The following CNTNAP2 variants were observed in gnomAD, a reference collection of about 807,000 sequenced individuals.
The protein encoded by CNTNAP2 is contactin-associated protein-like 2.
A neutral mutation model predicts 155.2 loss-of-function variants in CNTNAP2; 98 were observed. That is an observed-to-expected ratio of 0.63 (90% CI 0.54 to 0.75). CNTNAP2 has a LOEUF of 0.75. CNTNAP2 is among the 30% of genes least tolerant of loss of function. CNTNAP2 has a pLI of 0.00. For synonymous variants in CNTNAP2, 651 were observed against 631.2 expected, an observed-to-expected ratio of 1.03 and a Z score of -0.47; for missense variants, 1,727 against 1,688.1, an observed-to-expected ratio of 1.02 and a Z score of -0.40.
chr7:146,549,416 T>C (rs551964341), intron 1 of CNTNAP2, among the ~76,000 whole-genome samples: 1 of 152,006 alleles, frequency 6.6e-6, no homozygotes, highest in African/African-American at 2.4e-5. Context: ...ATTTTAAATA[T>C]CTGTACTGTA....
intron 1 of CNTNAP2, among the ~76,000 whole-genome samples, chr7:146,394,935 C>T (rs1457360793): frequency 3.3e-5 from 5 of 152,042 alleles, no homozygotes; most frequent in Non-Finnish European, 7.4e-5. Flanking sequence ...TTTCCACTCT[C>T]GATGATCATG....
chr7:147,449,172 T>A (rs1214952181), intron 10 of CNTNAP2, among the ~76,000 whole-genome samples: 1 of 152,004 alleles, frequency 6.6e-6, no homozygotes, highest in Non-Finnish European at 1.5e-5. Context: ...GTTCTCTGGC[T>A]ATTTAAATTA....
At chr7:146,790,109 G>A (rs1802644618) in intron 2 of CNTNAP2, among the ~76,000 whole-genome samples, 1 of 151,986 alleles carries the variant, frequency 6.6e-6, no homozygotes, top group East Asian at 1.9e-4. Flanking sequence ...CAAGGGAATT[G>A]ATTCATTCTT....
chr7:147,716,019 A>T (rs924789566), intron 13 of CNTNAP2, among the ~76,000 whole-genome samples: 1 of 152,184 alleles, frequency 6.6e-6, no homozygotes, highest in African/African-American at 2.4e-5. Context: ...GGGTATAATT[A>T]GGTTTTTATT....
At chr7:147,612,853 C>T (rs943568988) in intron 12 of CNTNAP2, among the ~76,000 whole-genome samples, 10 of 152,274 alleles carry the variant, frequency 6.6e-5, no homozygotes, top group Middle Eastern at 3.4e-3. Context: ...TTGAAATTCA[C>T]TCATGTTTCA....
At chr7:146,629,490 A>G (rs545043599) in intron 1 of CNTNAP2, among the ~76,000 whole-genome samples, 1 of 152,298 alleles carries the variant, frequency 6.6e-6, no homozygotes, top group South Asian at 2.1e-4. Flanking sequence ...CTAGGTGTCA[A>G]ATTTCAACAA....
intron 3 of CNTNAP2, among the ~76,000 whole-genome samples, chr7:146,962,087 C>T (rs1563022295): frequency 6.6e-6 from 1 of 152,116 alleles, no homozygotes; most frequent in Non-Finnish European, 1.5e-5. Context: ...ATTTTATAAT[C>T]TTGTTGTTCA....
intron 8 of CNTNAP2, among the ~76,000 whole-genome samples, chr7:147,156,916 T>C (rs1280365337): frequency 6.6e-6 from 1 of 152,106 alleles, no homozygotes; most frequent in Admixed American, 6.6e-5. Flanking sequence ...TGGTACCCTA[T>C]ATAGAGAATC....
At chr7:146,787,989 T>A (rs181843267) in intron 2 of CNTNAP2, among the ~76,000 whole-genome samples, 1 of 152,182 alleles carries the variant, frequency 6.6e-6, no homozygotes, top group East Asian at 1.9e-4. Context: ...GGCTGATTGG[T>A]GCTTTTACAA....
At chr7:146,949,257 A>G (rs150590372) in intron 3 of CNTNAP2, among the ~76,000 whole-genome samples, 33 of 152,360 alleles carry the variant, frequency 2.2e-4, no homozygotes, top group Non-Finnish European at 2.5e-4. Flanking sequence ...GATAAATGAA[A>G]TTGTCAAGAT....
At chr7:147,233,253 T>G (rs765575346) in intron 8 of CNTNAP2, among the ~76,000 whole-genome samples, 1 of 152,164 alleles carries the variant, frequency 6.6e-6, no homozygotes, top group Non-Finnish European at 1.5e-5. Flanking sequence ...ATTTCTTCCA[T>G]AAGTTAGGCT....
chr7:146,288,509 T>G (rs1194440050), intron 1 of CNTNAP2, among the ~76,000 whole-genome samples: 4 of 152,098 alleles, frequency 2.6e-5, no homozygotes, highest in African/African-American at 9.7e-5. Context: ...TTAGACGTTG[T>G]TTTATTATAA....
chr7:146,235,650 C>T (rs564302382), intron 1 of CNTNAP2, among the ~76,000 whole-genome samples: 3 of 152,220 alleles, frequency 2.0e-5, no homozygotes, highest in African/African-American at 4.8e-5. Flanking sequence ...CATGATCTCT[C>T]TTGTACTTCC....
chr7:146,462,553 C>T (rs6948888), intron 1 of CNTNAP2, among the ~76,000 whole-genome samples: 143,887 of 152,222 alleles, frequency 0.95, 68,563 homozygotes, highest in East Asian at 1. Context: ...ATTAAAGTAA[C>T]ACTGCTCTTG....
At chr7:148,112,385 C>A (rs1157675413) in intron 15 of CNTNAP2, among the ~76,000 whole-genome samples, 2 of 150,778 alleles carry the variant, frequency 1.3e-5, no homozygotes, top group African/African-American at 4.9e-5. Context: ...ATTACATAGT[C>A]CTAAAATATG....
At chr7:147,519,938 A>G (rs1799203773) in intron 11 of CNTNAP2, among the ~76,000 whole-genome samples, 1 of 152,230 alleles carries the variant, frequency 6.6e-6, no homozygotes, top group African/African-American at 2.4e-5. Context: ...AGAAAGCATT[A>G]TGACCACCCA....
intron 21 of CNTNAP2, 136 bp downstream of exon 21, chr7:148,267,262 C>T (rs904360460): frequency 1.0e-5 from 8 of 783,868 alleles, no homozygotes; most frequent in African/African-American, 8.5e-5. Flanking sequence ...AGGAAAGTTA[C>T]GTGGTTGTTC....
rs1194480479 is a variant in CNTNAP2 at position 148,418,217 on chromosome 7, T to C, written c.*2601T>C. 1 of 152,206 alleles carries C rather than the reference T, an allele frequency of 6.6e-6. No homozygotes were observed. The highest frequency in any genetic ancestry group is 2.4e-5 in the African/African-American group (1 of 41,438). The allele number at this position is 152,206 out of a possible 1,614,324, so 9.4% of individuals were successfully genotyped here. ...TACATTTTAAATGGTAAATAATCTG[T>C]TTATGTGAAGAAAAAGAATTAAGTC... On this transcript the variant is annotated 3_prime_UTR_variant, in exon 24 of 24. Coordinates refer to ENST00000361727, the MANE Select transcript of CNTNAP2 (RefSeq NM_014141.6).
intron 1 of CNTNAP2, among the ~76,000 whole-genome samples, chr7:146,744,808 G>T (rs1801781766): frequency 6.6e-6 from 1 of 152,056 alleles, no homozygotes; most frequent in South Asian, 2.1e-4. Flanking sequence ...CTACAAGTAT[G>T]ATTTTCCACA....
Sources: gnomAD v4.1 joint callset for allele counts (sites outside exome capture counted in the v4.1 genomes callset) on GRCh38, gnomAD v4.1.1 for gene constraint, MANE v1.5 for transcripts, NCBI Gene and HGNC (gene_info 2026-07-23, HGNC 2026-07-21) for gene names.